CNIH3: variants seen among roughly 807,000 people sequenced by gnomAD.
The protein encoded by CNIH3 is cornichon family AMPA receptor auxiliary protein 3.
A neutral mutation model predicts 24.1 loss-of-function variants in CNIH3; 14 were observed. The observed-to-expected ratio is 0.58, with a 90% CI of 0.38 to 0.91. CNIH3 has a LOEUF of 0.91. Among genes scored for constraint, CNIH3 ranks in the 40% least tolerant of loss-of-function variants. The probability of loss-of-function intolerance (pLI) is 0.00; values close to 1 mark genes in which losing one functional copy is unlikely to be tolerated. For synonymous variants in CNIH3, 68 were observed against 73.8 expected (o/e 0.92, Z 0.40); for missense variants, 178 against 196.8 (o/e 0.90, Z 0.57).
intron 2 of CNIH3, among the ~76,000 whole-genome samples, chr1:224,528,049 G>A (rs1258016148): frequency 6.6e-6 from 1 of 152,042 alleles, no homozygotes; most frequent in Non-Finnish European, 1.5e-5. Context: ...ATTGCTTGAG[G>A]CCAGGAGTTC....
Position 224,729,285 on chromosome 1 carries a change from G to A in CNIH3, c.199-1177G>A, listed in dbSNP as rs144913841. 7.1e-4 allele frequency among the ~76,000 whole-genome samples: 108 copies of A among 151,838 alleles called. 3 individuals are homozygous for A. The highest frequency in any genetic ancestry group is 7.0e-3 in the East Asian group (36 of 5,162). Reference sequence around the variant, plus strand: ...AAATTAGCTGGGCGTGGTAGCAGGCGCCTGTAATGCCAGCTACTTGGGAGG... The same window carrying A: ...AAATTAGCTGGGCGTGGTAGCAGGCACCTGTAATGCCAGCTACTTGGGAGG... On this transcript the variant is annotated intron_variant, in intron 3 of 5. Transcript: ENST00000272133.
intron 1 of CNIH3, among the ~76,000 whole-genome samples, chr1:224,451,290 TC>T (rs1374784385): frequency 2.0e-5 from 3 of 152,206 alleles, no homozygotes; most frequent in African/African-American, 7.2e-5. Flanking sequence ...TCAGAATTAT[TC>T]CCTTGAAATG....
At chr1:224,514,070 A>C (rs1202314116), upstream of CNIH3, 1 of 152,226 alleles carries the variant, frequency 6.6e-6, no homozygotes, top group Non-Finnish European at 1.5e-5. Flanking sequence ...AAACAAACAA[A>C]CAAACACCCT....
chr1:224,531,376 T>C (rs1315896057), intron 2 of CNIH3, among the ~76,000 whole-genome samples: 1 of 152,204 alleles, frequency 6.6e-6, no homozygotes, highest in Admixed American at 6.5e-5. Context: ...AGAGGTGCAC[T>C]GTGTACCTTT....
At chr1:224,601,287 G>A (rs6692224) in intron 3 of CNIH3, among the ~76,000 whole-genome samples, 3,969 of 152,238 alleles carry the variant, frequency 0.026, 178 homozygotes, top group African/African-American at 0.09. Flanking sequence ...GGTGCTGCAT[G>A]CAGAGTGTGT....
intron 3 of CNIH3, among the ~76,000 whole-genome samples, chr1:224,608,605 G>A (rs1208587366): frequency 5.3e-5 from 8 of 152,238 alleles, no homozygotes; most frequent in Non-Finnish European, 1.0e-4. Context: ...AACTGGTTAG[G>A]TCAGGGGTCG....
chr1:224,465,213 G>A (rs1314979954), intron 1 of CNIH3, among the ~76,000 whole-genome samples: 4 of 151,990 alleles, frequency 2.6e-5, no homozygotes, highest in South Asian at 2.1e-4. Context: ...GGATTCAAGC[G>A]ATTCTCCTGC....
chr1:224,436,959 G>C (rs961888783), intron 1 of CNIH3: 6 of 152,142 alleles, frequency 3.9e-5, no homozygotes, highest in African/African-American at 1.2e-4. Context: ...TTCTTCACCT[G>C]TCTGATGCCA....
chr1:224,450,848 G>T (rs968253222), intron 1 of CNIH3, among the ~76,000 whole-genome samples: 1 of 152,198 alleles, frequency 6.6e-6, no homozygotes, highest in Non-Finnish European at 1.5e-5. Context: ...ACCAGTTATA[G>T]TTCATGTGGG....
rs1207722103 is a variant in CNIH3, at chr1:224,605,635, T to C, written n.402+39371T>C. Among the ~76,000 whole-genome samples, 4 of 152,274 alleles carry C rather than the reference T, an allele frequency of 2.6e-5. No homozygotes were observed. In the South Asian group the frequency reaches 6.2e-4, roughly 24 times the overall value. On this transcript the variant is annotated intron_variant and non_coding_transcript_variant, in intron 3 of 7. Transcript: ENST00000478120. ...CTACTACAGAAACTAAGATGGCCTT[T>C]TGAGATTTCTTTTCAGGTTTTTGCA... is the stretch of plus-strand genomic sequence containing the variant.
chr1:224,668,112 A>G (rs1391123455), intron 1 of CNIH3, among the ~76,000 whole-genome samples: 1 of 152,266 alleles, frequency 6.6e-6, no homozygotes, highest in Non-Finnish European at 1.5e-5. Flanking sequence ...GGCTAATGGC[A>G]TAAAAGGAAA....
chr1:224,457,661 GTAAC>G (rs1460157262), intron 1 of CNIH3, among the ~76,000 whole-genome samples: 1 of 151,982 alleles, frequency 6.6e-6, no homozygotes, highest in Non-Finnish European at 1.5e-5. Flanking sequence ...TTCTGTTCTT[GTAAC>G]TTTCCAGTCG....
At chr1:224,520,819 A>G (rs897095394) in intron 1 of CNIH3, among the ~76,000 whole-genome samples, 5 of 152,186 alleles carry the variant, frequency 3.3e-5, no homozygotes, top group Admixed American at 3.3e-4. Flanking sequence ...GAGAATAGTT[A>G]TGGGAGAGTT....
chr1:224,627,602 T>C (rs1258352042), intron 1 of CNIH3, among the ~76,000 whole-genome samples: 1 of 152,188 alleles, frequency 6.6e-6, no homozygotes, highest in Non-Finnish European at 1.5e-5. Context: ...GAGCCACGTC[T>C]GGCTAGGATG....
In CNIH3 at chr1:224,732,365, GA is replaced by G. The variant is rs369345034; in HGVS notation, c.311+1792del. ...CTCAGATTTAGGGAGGAAGGAAAAA[GA>G]TTCGGTTACATCGAGAAGCCTCACT... On this transcript the variant is annotated intron_variant, in intron 4 of 5. Transcript: ENST00000272133. 2.4e-4 allele frequency among the ~76,000 whole-genome samples: 36 copies of G among 152,298 alleles called. 2 individuals are homozygous for G. The South Asian group carries it at 7.1e-3, about 30-fold the overall frequency.
At chr1:224,640,957 T>G (rs373452598) in intron 1 of CNIH3, among the ~76,000 whole-genome samples, 1 of 152,206 alleles carries the variant, frequency 6.6e-6, no homozygotes, top group South Asian at 2.1e-4. Context: ...GGAGGTGATG[T>G]GTTTCTGGGA....
At chr1:224,590,681 AC>A (rs537794697), downstream of CNIH3, among the ~76,000 whole-genome samples, 1 of 150,926 alleles carries the variant, frequency 6.6e-6, no homozygotes, top group East Asian at 1.9e-4. Context: ...TGACCTAAAC[AC>A]CCCCCCTTAG....
chr1:224,616,354 C>A lies in CNIH3; in HGVS notation c.-821C>A. 3.4e-6 allele frequency: 2 copies of A among 581,738 alleles called. No individual in the cohort carries two copies. Among genetic ancestry groups the A allele is most frequent in the Non-Finnish European group, 4.6e-6 (2 of 439,176 alleles). The allele number at this position is 581,738 out of a possible 1,614,324, so 36.0% of individuals were successfully genotyped here. ...GCGGCGGCGGCGGCGGCGGCAGCGG[C>A]AGCAGCAGGTGGAGCGAGCTACAGC... On this transcript the variant is annotated 5_prime_UTR_variant, in exon 1 of 6. Coordinates refer to ENST00000272133, the MANE Select transcript of CNIH3 (RefSeq NM_152495.2).
chr1:224,498,053 G>A (rs1435322448), intron 1 of CNIH3, among the ~76,000 whole-genome samples: 1 of 152,124 alleles, frequency 6.6e-6, no homozygotes, highest in Non-Finnish European at 1.5e-5. Flanking sequence ...CTGTGCAAAG[G>A]GAGGGCAGGG....
Sources: allele counts gnomAD v4.1 joint callset (sites outside exome capture counted in the v4.1 genomes callset), GRCh38; gene constraint gnomAD v4.1.1; transcripts MANE v1.5; gene names NCBI Gene and HGNC (gene_info 2026-07-23, HGNC 2026-07-21).